The following MAP7D2 variants were observed in gnomAD, a reference collection of about 807,000 sequenced individuals.
MAP7D2 encodes the protein MAP7 domain containing 2.
MAP7D2 carries 33 observed loss-of-function variants against 63.5 expected under a neutral mutation model. The ratio of observed to expected loss-of-function variants is 0.52; its 90% CI spans 0.39 to 0.70. The LOEUF (loss-of-function observed/expected upper bound fraction) is 0.70. Ranked by LOEUF, MAP7D2 falls within the 30% of genes least tolerant of loss-of-function variation. The pLI, the probability that MAP7D2 is intolerant of heterozygous loss-of-function variation, is 0.00. For missense variants in MAP7D2, 626 were observed against 604.0 expected (o/e 1.04, Z -0.38); for synonymous variants, 224 against 223.7 (o/e 1.00, Z -0.01).
rs373737458 is a variant in MAP7D2, at chrX:20,052,937, G to A, written c.536C>T (p.Pro179Leu). Residue 179 changes from proline to leucine, a missense_variant, in exon 5 of 17, where the codon CCT becomes CTT. Coordinates refer to ENST00000379643, the MANE Select transcript of MAP7D2 (RefSeq NM_001168465.2). ...TGAAGACAGGCGTTTATTCATGGGAGGCTCCGTTGGCTTTGGCAAACTCAT... is the reference window on the plus strand; with the variant it reads ...TGAAGACAGGCGTTTATTCATGGGAAGCTCCGTTGGCTTTGGCAAACTCAT... ...STMSLPKPTEPPMNKRLSSST... is the reference protein window; with the variant it reads ...STMSLPKPTELPMNKRLSSST... 9.9e-6 allele frequency: 12 copies of A among 1,210,075 alleles called. No individual in the cohort carries two copies. The African/African-American group carries it at 2.1e-4, about 21-fold the overall frequency.
At chrX:20,028,933 G>A (rs190999613) in intron 8 of MAP7D2, among the ~76,000 whole-genome samples, 1 of 111,973 alleles carries the variant, frequency 8.9e-6, no homozygotes, top group African/African-American at 3.2e-5. Flanking sequence ...GGACTTTCTG[G>A]CATTGGAAGG....
intron 10 of MAP7D2, 33 bp from the exon 11 acceptor site, chrX:20,016,358 C>T (rs754028699): frequency 1.7e-6 from 2 of 1,173,169 alleles, no homozygotes; most frequent in Admixed American, 2.2e-5. Context: ...TAGAAGATGA[C>T]ATGCTCGAAA....
At chrX:20,050,164 C>T (rs2064908378) in intron 6 of MAP7D2, among the ~76,000 whole-genome samples, 2 of 111,493 alleles carry the variant, frequency 1.8e-5, no homozygotes, top group Middle Eastern at 4.6e-3. Flanking sequence ...CCTGACATGA[C>T]GACTTGATCT....
chrX:20,024,860 T>C, intron 10 of MAP7D2, 91 bp downstream of exon 10: 1 of 1,030,539 alleles, frequency 9.7e-7, no homozygotes, highest in Non-Finnish European at 1.3e-6. Flanking sequence ...TCAAGTTTTA[T>C]CAATACCAAC....
rs951358574 is a variant in MAP7D2 at position 20,016,401 on chromosome X, C to T, written c.1413-76G>A. On this transcript the variant is annotated intron_variant, in intron 10 of 16. Transcript: ENST00000379643. ...TGCCAGAGAACTGTGTGCTGACAGC[C>T]GAGAATAATGCTCCACATGGTAACA... 2.8e-5 allele frequency: 24 copies of T among 858,444 alleles called. 1 individual carries two copies. The highest frequency in any genetic ancestry group is 2.6e-4 in the South Asian group (12 of 46,043). The allele number at this position is 858,444 out of a possible 1,213,427, so 70.7% of individuals were successfully genotyped here. A position where few individuals can be genotyped will look rare whatever the true frequency, so the allele number is the denominator to read the frequency against.
In MAP7D2 at chrX:20,106,397, T is replaced by C. The variant is rs558693653; in HGVS notation, c.130+10353A>G. The stretch of plus-strand genomic sequence containing the variant: ...GCTTTGCCTGATATGGGGGAGCCCA[T>C]TCCATCAAAGTGTGTTTCCATTTCC... On this transcript the variant is annotated intron_variant, in intron 1 of 16. Coordinates refer to ENST00000379643, the MANE Select transcript of MAP7D2 (RefSeq NM_001168465.2). Among the ~76,000 whole-genome samples, 5 of 112,244 alleles carry C rather than the reference T, an allele frequency of 4.5e-5. No homozygotes were observed. In the South Asian group the frequency reaches 1.8e-3, roughly 41 times the overall value.
At chrX:20,110,917 C>A (rs775671443) in intron 1 of MAP7D2, among the ~76,000 whole-genome samples, 6 of 111,385 alleles carry the variant, frequency 5.4e-5, no homozygotes, top group Non-Finnish European at 7.5e-5. Flanking sequence ...GAGTCTATTT[C>A]CTCTCCCCTT....
At chrX:20,066,112 C>T (rs2065356219) in intron 1 of MAP7D2, among the ~76,000 whole-genome samples, 1 of 110,684 alleles carries the variant, frequency 9.0e-6, no homozygotes, top group Admixed American at 9.5e-5. Flanking sequence ...TTAGTAGAGA[C>T]GGGGTTTCAC....
intron 1 of MAP7D2, among the ~76,000 whole-genome samples, chrX:20,109,746 TAA>T (rs1354505089): frequency 9.0e-6 from 1 of 111,364 alleles, no homozygotes; most frequent in East Asian, 2.8e-4. Context: ...AACCACAGAC[TAA>T]AAATATTCAG....
chrX:20,031,134 CA>C (rs371148322), intron 8 of MAP7D2, among the ~76,000 whole-genome samples: 1 of 108,049 alleles, frequency 9.3e-6, no homozygotes, highest in Non-Finnish European at 1.9e-5. Context: ...ACTAAAAATA[CA>C]AAAAATTAGC....
At chrX:20,065,466 C>G (rs1012702483) in intron 1 of MAP7D2, among the ~76,000 whole-genome samples, 21 of 109,812 alleles carry the variant, frequency 1.9e-4, no homozygotes, top group African/African-American at 7.0e-4. Context: ...GGGGTTTCAT[C>G]ATGTTGGCCA....
At chrX:20,065,120 G>A (rs1030121852) in intron 1 of MAP7D2, among the ~76,000 whole-genome samples, 2 of 111,866 alleles carry the variant, frequency 1.8e-5, no homozygotes, top group South Asian at 3.7e-4. Context: ...AGTGACAGAC[G>A]GGCCTGGCAG....
chrX:20,078,698 C>T (rs1459654249), intron 1 of MAP7D2, among the ~76,000 whole-genome samples: 1 of 111,989 alleles, frequency 8.9e-6, no homozygotes, highest in African/African-American at 3.2e-5. Context: ...ATATTAAATG[C>T]CTAATAAATA....
intron 12 of MAP7D2, among the ~76,000 whole-genome samples, chrX:20,013,858 A>G (rs947207418): frequency 8.9e-6 from 1 of 112,271 alleles, no homozygotes; most frequent in Non-Finnish European, 1.9e-5. Context: ...TCTAGAATCA[A>G]TATTCGATTT....
At chrX:20,099,083 A>G (rs1365286134) in intron 1 of MAP7D2, among the ~76,000 whole-genome samples, 1 of 112,545 alleles carries the variant, frequency 8.9e-6, no homozygotes, top group East Asian at 2.8e-4. Context: ...ACAGGGACCA[A>G]TAACTCTGGC....
chrX:20,065,264 CTTTTTTTTTT>C (rs779399409), intron 1 of MAP7D2, among the ~76,000 whole-genome samples: 1 of 91,451 alleles, frequency 1.1e-5, no homozygotes, highest in African/African-American at 4.0e-5. Flanking sequence ...GAACATTTTA[CTTTTTTTTTT>C]TTTTTTTTTT....
Position 20,074,303 on chromosome X carries a change from C to A in MAP7D2, c.131-9498G>T, listed in dbSNP as rs746610791. 4.5e-5 allele frequency among the ~76,000 whole-genome samples: 5 copies of A among 110,729 alleles called. No individual in the cohort carries two copies. In the Admixed American group the frequency reaches 4.8e-4, roughly 11 times the overall value. ...GGGAGAGAGGAGGTGGGGTCAGATT[C>A]AGATCAGTGAAAGGCAGGAGTTGGA... On this transcript the variant is annotated intron_variant, in intron 1 of 16. Coordinates refer to ENST00000379643, the MANE Select transcript of MAP7D2 (RefSeq NM_001168465.2).
intron 8 of MAP7D2, among the ~76,000 whole-genome samples, chrX:20,035,926 ATGTGTGTGTGTGTG>A (rs59706024): frequency 1.0e-5 from 1 of 98,428 alleles, no homozygotes; most frequent in Non-Finnish European, 2.0e-5. Context: ...AAAAATATAT[ATGTGTGTGTGTGTG>A]TGTGTGTGTG....
At chrX:20,057,627 A>C (rs750079696) in intron 3 of MAP7D2, among the ~76,000 whole-genome samples, 45 of 112,033 alleles carry the variant, frequency 4.0e-4, no homozygotes, top group Non-Finnish European at 5.3e-4. Flanking sequence ...CCTCCGTGAC[A>C]CTGCAAATAC....
Sources: allele counts gnomAD v4.1 joint callset (sites outside exome capture counted in the v4.1 genomes callset), GRCh38; gene constraint gnomAD v4.1.1; transcripts MANE v1.5; gene names NCBI Gene and HGNC (gene_info 2026-07-23, HGNC 2026-07-21).